Variants in PCDHGC3 observed in about 807,000 individuals in gnomAD.
PCDHGC3 encodes the protein protocadherin gamma subfamily C, 3.
In PCDHGC3, 26 loss-of-function variants were observed where a neutral mutation model predicts 59.2. That is an observed-to-expected ratio of 0.44 (90% CI 0.32 to 0.61). The LOEUF is 0.61. Ranked by LOEUF, PCDHGC3 falls within the 20% of genes least tolerant of loss-of-function variation. The pLI, the probability that PCDHGC3 is intolerant of heterozygous loss-of-function variation, is 0.05. For missense variants in PCDHGC3, 1,080 were observed against 1,221.8 expected, an observed-to-expected ratio of 0.88 and a Z score of 1.73; for synonymous variants, 487 against 519.7, an observed-to-expected ratio of 0.94 and a Z score of 0.86.
intron 1 of PCDHGC3, among the ~76,000 whole-genome samples, chr5:141,480,272 G>T (rs903112862): frequency 7.2e-6 from 1 of 138,796 alleles, no homozygotes; most frequent in Non-Finnish European, 1.5e-5. Flanking sequence ...TTCATTAGCT[G>T]GGTGTGTTGG....
Position 141,491,900 on chromosome 5 carries a change from G to T in PCDHGC3, c.2431-2907G>T. The T allele has an allele frequency of 7.0e-7, 1 of 1,429,936 alleles. No homozygotes were observed. The highest frequency in any genetic ancestry group is 1.5e-5 in the South Asian group (1 of 67,072). 88.6% of individuals were successfully genotyped at this position (1,429,936 alleles called of 1,614,324 possible). A position where few individuals can be genotyped will look rare whatever the true frequency, so the allele number is the denominator to read the frequency against. ...TAAGGGATGGGGCTCCGAGCACCGG[G>T]GGTGGTGGCGACTGTGGGCGAGGGG... On this transcript the variant is annotated intron_variant, in intron 1 of 3. Transcript: ENST00000308177. This position sits in a 1 kb window ranked among gnomAD's most constrained non-coding sequence, Gnocchi z 6.9.
At chr5:141,480,910 T>C (rs985100480) in intron 1 of PCDHGC3, among the ~76,000 whole-genome samples, 5 of 152,106 alleles carry the variant, frequency 3.3e-5, no homozygotes, top group Non-Finnish European at 7.4e-5. Flanking sequence ...CTGGGCATGG[T>C]GGCGCATACC....
Position 141,487,650 on chromosome 5 carries a change from G to A in PCDHGC3, c.2431-7157G>A. On this transcript the variant is annotated intron_variant, in intron 1 of 3. Transcript: ENST00000308177. The surrounding 1 kb of genome is among the most constrained non-coding windows in gnomAD (Gnocchi z 5.0). ...TTGCAGGCTCAACAAATGCTTGAGGGTTATTCTGATCCAGGCATATGGCTA... is the reference window on the plus strand; with the variant it reads ...TTGCAGGCTCAACAAATGCTTGAGGATTATTCTGATCCAGGCATATGGCTA... 1 of 1,613,994 alleles carries A rather than the reference G, an allele frequency of 6.2e-7. No individual in the cohort carries two copies. Among genetic ancestry groups the A allele is most frequent in the Non-Finnish European group, 8.5e-7 (1 of 1,179,954 alleles).
chr5:141,508,043 T>A (rs2099865910), intron 3 of PCDHGC3: 1 of 152,252 alleles, frequency 6.6e-6, no homozygotes, highest in Non-Finnish European at 1.5e-5. Context: ...CAGCCAGCTG[T>A]GTTCCAGCTA....
intron 1 of PCDHGC3, among the ~76,000 whole-genome samples, chr5:141,484,675 T>C (rs1179759392): frequency 6.6e-6 from 1 of 152,042 alleles, no homozygotes; most frequent in African/African-American, 2.4e-5. Context: ...GGGCCGCAGG[T>C]TGCTAGGGCT....
At position 141,505,425 on chromosome 5, in the gene PCDHGC3, C is replaced by G; in HGVS notation, c.2522C>G (p.Pro841Arg). 1 of 1,614,178 alleles carries G rather than the reference C, an allele frequency of 6.2e-7. No individual in the cohort carries two copies. Among genetic ancestry groups the G allele is most frequent in the Non-Finnish European group, 8.5e-7 (1 of 1,180,014 alleles). ...SQNGDDTGTW[P>R]NNQFDTEMLQ... ...AATGGCGATGACACCGGCACCTGGC[C>G]CAACAACCAGTTTGACACAGAGATG... The change falls in exon 3 of 4, where the codon CCC becomes CGC. Residue 841 changes from proline to arginine, a missense_variant. Transcript: ENST00000308177.
At chr5:141,484,921 T>A in intron 1 of PCDHGC3, 1 of 478,304 alleles carries the variant, frequency 2.1e-6, no homozygotes, top group South Asian at 2.8e-5. Flanking sequence ...TTAACCCTGC[T>A]GCTGTTGGGA....
In PCDHGC3 at chr5:141,485,099, G is replaced by T; in HGVS notation, c.2430+6553G>T. The T allele has an allele frequency of 8.7e-7, 1 of 1,145,218 alleles. No individual in the cohort carries two copies. Among genetic ancestry groups the T allele is most frequent in the Non-Finnish European group, 1.3e-6 (1 of 775,682 alleles). 70.9% of individuals were successfully genotyped at this position (1,145,218 alleles called of 1,614,324 possible). A position where few individuals can be genotyped will look rare whatever the true frequency, so the allele number is the denominator to read the frequency against. ...GGGGAAAGGGAGATAGGTGTCTCCA[G>T]CTGCTGTGGCTGTTTGGGGCGGGTC... On this transcript the variant is annotated intron_variant, in intron 1 of 3. Transcript: ENST00000308177. The surrounding 1 kb of genome is among the most constrained non-coding windows in gnomAD (Gnocchi z 5.7).
intron 1 of PCDHGC3, 33 bp from the exon 2 acceptor site, chr5:141,494,774 T>C (rs1462930792): frequency 6.2e-7 from 1 of 1,613,860 alleles, no homozygotes; most frequent in African/African-American, 1.3e-5. Flanking sequence ...TTCTCACGGG[T>C]ACTCAGCCCC....
chr5:141,501,290 T>TACACACAC (rs55762287), intron 2 of PCDHGC3, among the ~76,000 whole-genome samples: 94 of 136,244 alleles, frequency 6.9e-4, no homozygotes, highest in Admixed American at 2.2e-3. Context: ...TATTCCCTTA[T>TACACACAC]ACACACACAC....
Position 141,485,665 on chromosome 5 carries a change from C to G in PCDHGC3, c.2430+7119C>G. ...AGGCTCAGGATGCAGATGTGGGGAG[C>G]AATTCGATTAGCAGCTATAGGCTGA... On this transcript the variant is annotated intron_variant, in intron 1 of 3. Coordinates refer to ENST00000308177, the MANE Select transcript of PCDHGC3 (RefSeq NM_002588.4). This position sits in a 1 kb window ranked among gnomAD's most constrained non-coding sequence, Gnocchi z 5.7. 1 of 1,612,622 alleles carries G rather than the reference C, an allele frequency of 6.2e-7. No individual in the cohort carries two copies.
At chr5:141,481,722 G>A (rs546676646) in intron 1 of PCDHGC3, among the ~76,000 whole-genome samples, 1 of 152,214 alleles carries the variant, frequency 6.6e-6, no homozygotes, top group African/African-American at 2.4e-5. Flanking sequence ...GGGAGGCGGA[G>A]GCGGGCGGAT....
rs1372368815 is a variant in PCDHGC3 at position 141,491,370 on chromosome 5, C to T, written c.2431-3437C>T. 3 of 1,614,038 alleles carry T rather than the reference C, an allele frequency of 1.9e-6. No individual in the cohort carries two copies. The highest frequency in any genetic ancestry group is 2.2e-5 in the East Asian group (1 of 44,880). ...GTCTCTTATCCCTAGTCACCTTCAC[C>T]TTTCTGTCAGCGAAGTGCCTTCAGG... On this transcript the variant is annotated intron_variant, in intron 1 of 3. Transcript: ENST00000308177. The surrounding 1 kb of genome is among the most constrained non-coding windows in gnomAD (Gnocchi z 6.9).
At chr5:141,506,969 A>G (rs923725359) in intron 3 of PCDHGC3, 7 of 152,208 alleles carry the variant, frequency 4.6e-5, no homozygotes, top group Non-Finnish European at 8.8e-5. Flanking sequence ...ATAGCTCTGC[A>G]AGGCAGGTCT....
chr5:141,480,273 G>A (rs2099516030), intron 1 of PCDHGC3, among the ~76,000 whole-genome samples: 1 of 151,956 alleles, frequency 6.6e-6, no homozygotes, highest in Non-Finnish European at 1.5e-5. Flanking sequence ...TCATTAGCTG[G>A]GTGTGTTGGC....
intron 2 of PCDHGC3, among the ~76,000 whole-genome samples, chr5:141,503,423 C>T (rs1018496430): frequency 6.6e-6 from 1 of 151,752 alleles, no homozygotes; most frequent in Non-Finnish European, 1.5e-5. Context: ...GGTGAAACCC[C>T]ATCTCTACTA....
chr5:141,490,906 G>A lies in PCDHGC3; in HGVS notation c.2431-3901G>A, dbSNP rs2099705910. 1 of 1,613,798 alleles carries A rather than the reference G, an allele frequency of 6.2e-7. No individual in the cohort carries two copies. Among genetic ancestry groups the A allele is most frequent in the Non-Finnish European group, 8.5e-7 (1 of 1,179,808 alleles). ...CACATCTCTGCATGTGTTTGTCCTA[G>A]ACGAGAATGATAATGCCCCAGCTGT... On this transcript the variant is annotated intron_variant, in intron 1 of 3. Coordinates refer to ENST00000308177, the MANE Select transcript of PCDHGC3 (RefSeq NM_002588.4). The surrounding 1 kb of genome is among the most constrained non-coding windows in gnomAD (Gnocchi z 5.4).
chr5:141,491,837 G>A lies in PCDHGC3; in HGVS notation c.2431-2970G>A, dbSNP rs1404051857. The A allele has an allele frequency of 1.4e-6, 2 of 1,472,862 alleles. No individual in the cohort carries two copies. The highest frequency in any genetic ancestry group is 1.8e-6 in the Non-Finnish European group (2 of 1,111,878). The allele number at this position is 1,472,862 out of a possible 1,614,324, so 91.2% of individuals were successfully genotyped here. A position where few individuals can be genotyped will look rare whatever the true frequency, so the allele number is the denominator to read the frequency against. ...TGGCTGCGCTCCACCCGATTCTCGG[G>A]ATCATTGGACCGTTTGCGCGAAACC... On this transcript the variant is annotated intron_variant, in intron 1 of 3. Transcript: ENST00000308177. The surrounding 1 kb of genome is among the most constrained non-coding windows in gnomAD (Gnocchi z 6.9).
chr5:141,487,031 G>A lies in PCDHGC3; in HGVS notation c.2431-7776G>A, dbSNP rs749130369. 1.2e-6 allele frequency: 2 copies of A among 1,614,182 alleles called. No homozygotes were observed. Among genetic ancestry groups the A allele is most frequent in the Non-Finnish European group, 1.7e-6 (2 of 1,180,028 alleles). On this transcript the variant is annotated intron_variant, in intron 1 of 3. Coordinates refer to ENST00000308177, the MANE Select transcript of PCDHGC3 (RefSeq NM_002588.4). The surrounding 1 kb of genome is among the most constrained non-coding windows in gnomAD (Gnocchi z 5.0). ...GGAGGCCCCAGATCCCAGCCTGTTT[G>A]CAGTCTCTCGATATGCTGGGGAGGT...
Sources: gnomAD v4.1 joint callset for allele counts (sites outside exome capture counted in the v4.1 genomes callset) on GRCh38, gnomAD v4.1.1 for gene constraint, Gnocchi (gnomAD v3.1) non-coding constraint, MANE v1.5 for transcripts, NCBI Gene and HGNC (gene_info 2026-07-23, HGNC 2026-07-21) for gene names.